The following KAT6A variants were observed in gnomAD, a reference collection of about 807,000 sequenced individuals.
KAT6A encodes lysine acetyltransferase 6A, also known as histone acetyltransferase KAT6A.
Under a neutral mutation model 198.4 loss-of-function variants are expected in KAT6A, and 9 were observed. The ratio of observed to expected loss-of-function variants is 0.05; its 90% CI spans 0.03 to 0.08. KAT6A has a LOEUF of 0.08. Among genes scored for constraint, KAT6A ranks in the 10% least tolerant of loss-of-function variants. KAT6A has a pLI of 1.00. For synonymous variants in KAT6A, 890 were observed against 883.0 expected (o/e 1.01, Z -0.14); for missense variants, 2,077 against 2,509.9 (o/e 0.83, Z 3.69).
chr8:42,047,515 G>A lies in KAT6A; in HGVS notation c.600+863C>T, dbSNP rs183410139. Among the ~76,000 whole-genome samples, 453 of 152,194 alleles carry A rather than the reference G, an allele frequency of 3.0e-3. 2 individuals are homozygous for A. Among genetic ancestry groups the A allele is most frequent in the Non-Finnish European group, 3.1e-3 (211 of 68,006 alleles). On this transcript the variant is annotated intron_variant, in intron 2 of 16. Coordinates refer to ENST00000265713, the MANE Select transcript of KAT6A (RefSeq NM_006766.5). ...TGGAGCCTCAGACACCTGTACTCAA[G>A]CAATCCTCCCCGACACAGCCTCCCA... is the stretch of plus-strand genomic sequence containing the variant.
Position 41,933,291 on chromosome 8 carries a change from A to T in KAT6A, c.4929T>A (p.Pro1643=). 1 of 1,579,896 alleles carries T rather than the reference A, an allele frequency of 6.3e-7. No homozygotes were observed. The highest frequency in any genetic ancestry group is 8.6e-7 in the Non-Finnish European group (1 of 1,168,652). ...KSPQSCVVER[P]PSNQQQQPPP... is the part of the protein sequence containing the mutation. ...GCGGCTGCTGCTGCTGGTTACTGGG[A>T]GGCCTCTCCACCACGCAGCTCTGAG... Residue 1643 remains proline, a synonymous_variant, in exon 17 of 17, where the codon CCT becomes CCA. Transcript: ENST00000265713. The surrounding 1 kb of genome is among the most constrained non-coding windows in gnomAD (Gnocchi z 6.2).
chr8:42,049,828 GAATAC>G (rs1201955992), intron 1 of KAT6A: 5 of 152,160 alleles, frequency 3.3e-5, no homozygotes, highest in Non-Finnish European at 7.4e-5. Context: ...TGAAAAGAAT[GAATAC>G]AATATGCACA....
chr8:41,933,884 A>G lies in KAT6A; in HGVS notation c.4336T>C (p.Cys1446Arg), dbSNP rs768168919. The change falls in exon 17 of 17, where the codon TGT (cysteine) becomes CGT (arginine). Residue 1446 changes from cysteine (C) to arginine (R), a missense_variant. By Grantham distance (180) the Cys-to-Arg change is radical. Transcript: ENST00000265713. The surrounding 1 kb of genome is among the most constrained non-coding windows in gnomAD (Gnocchi z 6.2). Reference protein sequence around the residue: ...SSEHEGAYQDCEETLAACQTL... With the variant: ...SSEHEGAYQDREETLAACQTL... ...TGACACGCCGCAAGAGTTTCCTCAC[A>G]GTCCTGGTAGGCGCCCTCATGCTCA... 6.2e-7 allele frequency: 1 copy of G among 1,614,166 alleles called. No homozygotes were observed. The highest frequency in any genetic ancestry group is 1.1e-5 in the South Asian group (1 of 91,082).
chr8:41,965,523 G>C (rs1488551290), intron 8 of KAT6A, among the ~76,000 whole-genome samples: 1 of 152,126 alleles, frequency 6.6e-6, no homozygotes, highest in Admixed American at 6.5e-5. Flanking sequence ...ATCTAGCCAA[G>C]ATGAACTTTC....
chr8:41,978,603 A>T (rs1005803463), intron 6 of KAT6A, 39 bp downstream of exon 6: 2 of 1,548,152 alleles, frequency 1.3e-6, no homozygotes, highest in African/African-American at 1.4e-5. Context: ...AGAAGACCCT[A>T]TCCTTTTCTC....
rs753749652 is a variant in KAT6A, at chr8:41,953,115, T to C, written c.1598+2181A>G. Among the ~76,000 whole-genome samples the C allele has an allele frequency of 2.0e-3, 308 of 152,330 alleles. 1 individual carries two copies. The highest frequency in any genetic ancestry group is 2.0e-3 in the Non-Finnish European group (138 of 68,026). On this transcript the variant is annotated intron_variant, in intron 9 of 16. Coordinates refer to ENST00000265713, the MANE Select transcript of KAT6A (RefSeq NM_006766.5). ...CACTGATAACTAGTCTCCTCACACC[T>C]GTTTCTAATGAAAATCTCATCAGAA...
chr8:41,939,284 T>C (rs1821992336), intron 15 of KAT6A, among the ~76,000 whole-genome samples: 2 of 152,186 alleles, frequency 1.3e-5, no homozygotes, highest in African/African-American at 4.8e-5. Flanking sequence ...AGTAGAAACC[T>C]GACAAACAAT....
chr8:41,942,264 A>G (rs182593775), intron 14 of KAT6A: 1 of 224,374 alleles, frequency 4.5e-6, no homozygotes, highest in Admixed American at 5.4e-5. Flanking sequence ...AGTTTACAAT[A>G]GTTACTTAAT....
intron 2 of KAT6A, among the ~76,000 whole-genome samples, chr8:42,030,903 C>A (rs1409805094): frequency 6.6e-6 from 1 of 151,402 alleles, no homozygotes; most frequent in Non-Finnish European, 1.5e-5. Flanking sequence ...TATGGGACAA[C>A]TTTTGTATAT....
At chr8:42,049,977 A>G (rs1350103131) in intron 1 of KAT6A, among the ~76,000 whole-genome samples, 2 of 152,246 alleles carry the variant, frequency 1.3e-5, no homozygotes, top group African/African-American at 4.8e-5. Context: ...TTTAAGAATT[A>G]CATGCTGATA....
chr8:41,987,925 G>C (rs1472373741), intron 2 of KAT6A, among the ~76,000 whole-genome samples: 1 of 152,188 alleles, frequency 6.6e-6, no homozygotes, highest in Non-Finnish European at 1.5e-5. Context: ...ATGTGATCTA[G>C]TACAAGAGCA....
rs1311444939 is a variant in KAT6A at position 41,943,995 on chromosome 8, TAACTC to T, written c.1997-21_1997-17del. ...AACAAATAACCTAAAGAATCACAAA[TAACTC>T]AAATCAGAACTAGGTCAGCAACTCT... On this transcript the variant is annotated splice_polypyrimidine_tract_variant and intron_variant, in intron 12 of 16. Coordinates refer to ENST00000265713, the MANE Select transcript of KAT6A (RefSeq NM_006766.5). 6.3e-7 allele frequency: 1 copy of T among 1,586,412 alleles called. No homozygotes were observed.
At chr8:41,939,197 G>A (rs545620652) in intron 15 of KAT6A, among the ~76,000 whole-genome samples, 1 of 152,248 alleles carries the variant, frequency 6.6e-6, no homozygotes, top group South Asian at 2.1e-4. Flanking sequence ...AATTTATGCT[G>A]AGCCTCCACT....
At chr8:41,995,061 A>AAAAAATAAAAAT (rs71239088) in intron 2 of KAT6A, among the ~76,000 whole-genome samples, 4 of 150,648 alleles carry the variant, frequency 2.7e-5, no homozygotes, top group Non-Finnish European at 3.0e-5. Context: ...CATCTCAAAA[A>AAAAAATAAAAAT]AAAAATAAAA....
intron 2 of KAT6A, among the ~76,000 whole-genome samples, chr8:42,033,060 G>A (rs1375568540): frequency 6.6e-6 from 1 of 151,550 alleles, no homozygotes; most frequent in Non-Finnish European, 1.5e-5. Flanking sequence ...TGTATTTTTA[G>A]TAGAGACGTT....
intron 11 of KAT6A, among the ~76,000 whole-genome samples, chr8:41,947,165 T>C (rs956310448): frequency 2.6e-5 from 4 of 152,248 alleles, no homozygotes; most frequent in African/African-American, 9.6e-5. Context: ...TGAGTGAATA[T>C]ATTTTAAGTC....
At position 42,018,814 on chromosome 8, in the gene KAT6A, G is replaced by A. The variant is rs964685070; in HGVS notation, c.600+29564C>T. The stretch of plus-strand genomic sequence containing the variant: ...GCCACCCCTATAATCCCAGCTACTC[G>A]GGAGGCTGAGGCCGGAGAATAGCCT... On this transcript the variant is annotated intron_variant, in intron 2 of 16. Transcript: ENST00000265713. Among the ~76,000 whole-genome samples, 5 of 152,134 alleles carry A rather than the reference G, an allele frequency of 3.3e-5. No homozygotes were observed. In the East Asian group the frequency reaches 5.8e-4, roughly 18 times the overall value.
Position 41,937,212 on chromosome 8 carries a change from T to A in KAT6A, c.3352+44A>T, listed in dbSNP as rs368773820. 19 of 1,485,812 alleles carry A rather than the reference T, an allele frequency of 1.3e-5. No homozygotes were observed. The African/African-American group carries it at 2.4e-4, about 18-fold the overall frequency. The allele number at this position is 1,485,812 out of a possible 1,614,324, so 92.0% of individuals were successfully genotyped here. A position where few individuals can be genotyped will look rare whatever the true frequency, so the allele number is the denominator to read the frequency against. On this transcript the variant is annotated intron_variant, in intron 16 of 16. Transcript: ENST00000265713. ...GGTCTGTCACTGCTACTGCTATATATCTGAAGACAATAAACCACAGTAAGT... is the reference window on the plus strand; with the variant it reads ...GGTCTGTCACTGCTACTGCTATATAACTGAAGACAATAAACCACAGTAAGT...
intron 9 of KAT6A, among the ~76,000 whole-genome samples, chr8:41,954,550 CTTTTAA>C (rs138514588): frequency 0.21 from 31,762 of 151,924 alleles, 3,618 homozygotes; most frequent in Non-Finnish European, 0.24. Flanking sequence ...CTCATTTCAT[CTTTTAA>C]TTTTAACCAT....
Sources: gnomAD v4.1 joint callset for allele counts (sites outside exome capture counted in the v4.1 genomes callset) on GRCh38, gnomAD v4.1.1 for gene constraint, Gnocchi (gnomAD v3.1) non-coding constraint, MANE v1.5 for transcripts, NCBI Gene and HGNC (gene_info 2026-07-23, HGNC 2026-07-21) for gene names.